UBE2E2: variants seen among roughly 807,000 people sequenced by gnomAD.
UBE2E2 encodes ubiquitin-conjugating enzyme E2 E2.
In UBE2E2, 6 loss-of-function variants were observed where a neutral mutation model predicts 24.7. The ratio of observed to expected loss-of-function variants is 0.24; its 90% CI spans 0.13 to 0.48. UBE2E2 has a LOEUF of 0.48. Among genes scored for constraint, UBE2E2 ranks in the 20% least tolerant of loss-of-function variants. UBE2E2 has a pLI of 0.99. For synonymous variants in UBE2E2, 104 were observed against 83.6 expected (o/e 1.24, Z -1.33); for missense variants, 169 against 245.0 (o/e 0.69, Z 2.07).
At chr3:23,510,364 T>C (rs1694566842) in intron 4 of UBE2E2, among the ~76,000 whole-genome samples, 2 of 152,168 alleles carry the variant, frequency 1.3e-5, no homozygotes, top group African/African-American at 4.8e-5. Flanking sequence ...CCCAGCACTT[T>C]GGGAGGCCAA....
At chr3:23,488,191 A>G (rs1699418125) in intron 3 of UBE2E2, among the ~76,000 whole-genome samples, 1 of 146,622 alleles carries the variant, frequency 6.8e-6, no homozygotes, top group Non-Finnish European at 1.5e-5. Context: ...CTTTATACAG[A>G]TTACATTTCT....
Position 23,397,083 on chromosome 3 carries a change from A to G in UBE2E2, c.228-102525A>G, listed in dbSNP as rs57625069. ...CAGATCCAGAGAGGGTTATAATTGA[A>G]ACATCAGTCCTCAGACCCCTAATCT... is the stretch of plus-strand genomic sequence containing the variant. On this transcript the variant is annotated intron_variant, in intron 3 of 5. Coordinates refer to ENST00000396703, the MANE Select transcript of UBE2E2 (RefSeq NM_152653.4). 2.0e-5 allele frequency among the ~76,000 whole-genome samples: 3 copies of G among 152,168 alleles called. 1 individual carries two copies. The highest frequency in any genetic ancestry group is 7.2e-5 in the African/African-American group (3 of 41,500).
chr3:23,253,376 A>G (rs1488996948), intron 3 of UBE2E2, among the ~76,000 whole-genome samples: 3 of 152,210 alleles, frequency 2.0e-5, no homozygotes, highest in Non-Finnish European at 4.4e-5. Flanking sequence ...ATAGTACACA[A>G]ACTGTTCACA....
At chr3:23,204,833 A>G in intron 1 of UBE2E2, 1 of 835,720 alleles carries the variant, frequency 1.2e-6, no homozygotes, top group Non-Finnish European at 1.4e-6. Flanking sequence ...GTAGGAAGAC[A>G]GCAAGACATA....
At chr3:23,222,047 CTA>C (rs2125325351) in intron 3 of UBE2E2, among the ~76,000 whole-genome samples, 1 of 152,010 alleles carries the variant, frequency 6.6e-6, no homozygotes, top group Admixed American at 6.6e-5. Flanking sequence ...AGTCTACTCT[CTA>C]TTTTTGAGAT....
At position 23,436,134 on chromosome 3, in the gene UBE2E2, G is replaced by T. The variant is rs370531591; in HGVS notation, c.228-63474G>T. On this transcript the variant is annotated intron_variant, in intron 3 of 5. Transcript: ENST00000396703. ...TGCTGTGCGGCCCAGTTCCTAACAG[G>T]CTACAGACTGTTAGCAGTCTGTGGC... Among the ~76,000 whole-genome samples, 9 of 152,050 alleles carry T rather than the reference G, an allele frequency of 5.9e-5. No individual in the cohort carries two copies. The East Asian group carries it at 1.5e-3, about 26-fold the overall frequency.
At chr3:23,573,511 GTAC>G (rs1443465274) in intron 5 of UBE2E2, among the ~76,000 whole-genome samples, 2 of 152,108 alleles carry the variant, frequency 1.3e-5, no homozygotes, top group African/African-American at 4.8e-5. Flanking sequence ...TTTTGGCTGA[GTAC>G]TAAACAGCCA....
chr3:23,299,122 A>T (rs4488778), intron 3 of UBE2E2, among the ~76,000 whole-genome samples: 60,210 of 151,930 alleles, frequency 0.4, 12,482 homozygotes, highest in Admixed American at 0.53. Flanking sequence ...TTTCTGTGGG[A>T]TCAGTGTTGA....
At chr3:23,301,200 A>T (rs1268410528) in intron 3 of UBE2E2, among the ~76,000 whole-genome samples, 1 of 151,914 alleles carries the variant, frequency 6.6e-6, no homozygotes, top group East Asian at 1.9e-4. Context: ...TTTTTTTCAA[A>T]GCTTTTTACT....
rs146529378 is a variant in UBE2E2, at chr3:23,205,046, A to AT, written c.-9+1583dup. 1.2e-4 allele frequency among the ~76,000 whole-genome samples: 18 copies of AT among 152,354 alleles called. No individual in the cohort carries two copies. The East Asian group carries it at 3.5e-3, about 29-fold the overall frequency. The stretch of plus-strand genomic sequence containing the variant: ...GGAACATGTGAGTTTCATTCACTGT[A>AT]TGTTGCTAATTTCCAGGACTGTAAT... On this transcript the variant is annotated intron_variant, in intron 1 of 5. Coordinates refer to ENST00000396703, the MANE Select transcript of UBE2E2 (RefSeq NM_152653.4).
chr3:23,303,778 G>A (rs569492657), intron 3 of UBE2E2, among the ~76,000 whole-genome samples: 1 of 152,256 alleles, frequency 6.6e-6, no homozygotes, highest in Non-Finnish European at 1.5e-5. Context: ...TAGAACTAGG[G>A]AACAATTTGT....
chr3:23,222,842 A>G (rs1696693447), intron 3 of UBE2E2, among the ~76,000 whole-genome samples: 1 of 151,998 alleles, frequency 6.6e-6, no homozygotes, highest in Non-Finnish European at 1.5e-5. Context: ...ACAACAGTGT[A>G]CGAGCCTTCC....
chr3:23,313,528 G>A (rs1694474171), intron 3 of UBE2E2, among the ~76,000 whole-genome samples: 1 of 151,632 alleles, frequency 6.6e-6, no homozygotes, highest in Non-Finnish European at 1.5e-5. Context: ...GGGATTACAG[G>A]CGCATACCAC....
chr3:23,468,672 A>G (rs923345818), intron 3 of UBE2E2, among the ~76,000 whole-genome samples: 1 of 152,218 alleles, frequency 6.6e-6, no homozygotes, highest in Non-Finnish European at 1.5e-5. Flanking sequence ...GTAAAATTGC[A>G]GGGTGCAGGA....
intron 4 of UBE2E2, among the ~76,000 whole-genome samples, chr3:23,499,987 T>C (rs911252536): frequency 1.3e-5 from 2 of 152,166 alleles, no homozygotes; most frequent in African/African-American, 4.8e-5. Context: ...TTCTTTGTTA[T>C]ATGTTTTAAT....
At chr3:23,342,950 G>C (rs1404887828) in intron 3 of UBE2E2, among the ~76,000 whole-genome samples, 2 of 151,826 alleles carry the variant, frequency 1.3e-5, no homozygotes, top group African/African-American at 4.8e-5. Flanking sequence ...TTGGGGGTGG[G>C]GAACTTCTGC....
At chr3:23,222,042 AC>A (rs1424869950) in intron 3 of UBE2E2, among the ~76,000 whole-genome samples, 1 of 148,454 alleles carries the variant, frequency 6.7e-6, no homozygotes, top group Non-Finnish European at 1.5e-5. Context: ...CTACCAGTCT[AC>A]TCTCTATTTT....
At chr3:23,298,340 G>A (rs1698972025) in intron 3 of UBE2E2, among the ~76,000 whole-genome samples, 1 of 151,790 alleles carries the variant, frequency 6.6e-6, no homozygotes, top group Non-Finnish European at 1.5e-5. Flanking sequence ...TAGGAGTGGT[G>A]AGAGAGGGCA....
At chr3:23,307,775 T>G (rs540560996) in intron 3 of UBE2E2, among the ~76,000 whole-genome samples, 1 of 152,180 alleles carries the variant, frequency 6.6e-6, no homozygotes, top group African/African-American at 2.4e-5. Flanking sequence ...TAAAATTAAA[T>G]TATGAATTAT....
Sources: allele counts gnomAD v4.1 joint callset (sites outside exome capture counted in the v4.1 genomes callset), GRCh38; gene constraint gnomAD v4.1.1; transcripts MANE v1.5; gene names NCBI Gene and HGNC (gene_info 2026-07-23, HGNC 2026-07-21).